Variants in P2RY8 observed in about 807,000 individuals in gnomAD.
The protein encoded by P2RY8 is S-geranylgeranyl-glutathione receptor P2RY8.
P2RY8 carries 6 observed loss-of-function variants against 10.0 expected under a neutral mutation model. The ratio of observed to expected loss-of-function variants is 0.60; its 90% confidence interval spans 0.33 to 1.19. The LOEUF (loss-of-function observed/expected upper bound fraction) is 1.19. Among genes scored for constraint, P2RY8 ranks in the 50% most tolerant of loss-of-function variants. The pLI is 0.04. For missense variants in P2RY8, 456 were observed against 542.0 expected (o/e 0.84, Z 1.58); for synonymous variants, 276 against 252.5 (o/e 1.09, Z -0.88).
intron 1 of P2RY8, among the ~76,000 whole-genome samples, chrX:1,475,043 G>T (rs2091860093): frequency 6.8e-6 from 1 of 146,064 alleles, no homozygotes; most frequent in Admixed American, 6.9e-5. Flanking sequence ...AGATGGATGG[G>T]TAGATGGATA....
intron 1 of P2RY8, among the ~76,000 whole-genome samples, chrX:1,534,133 T>C (rs1247132122): frequency 5.3e-5 from 7 of 130,880 alleles, no homozygotes; most frequent in African/African-American, 3.1e-5. Flanking sequence ...TATATATTTA[T>C]ATATATTTAC....
intron 1 of P2RY8, among the ~76,000 whole-genome samples, chrX:1,509,374 T>TTCTATCTATCTATCTATCTA (rs779648095): frequency 7.6e-6 from 1 of 131,108 alleles, no homozygotes; most frequent in Non-Finnish European, 1.6e-5. Flanking sequence ...CATCCATCTA[T>TTCTATCTATCTATCTATCTA]TCTATCTATC....
intron 1 of P2RY8, among the ~76,000 whole-genome samples, chrX:1,502,028 G>A (rs1322801244): frequency 2.6e-5 from 4 of 151,962 alleles, no homozygotes; most frequent in East Asian, 1.9e-4. Flanking sequence ...GTCCTGCCTC[G>A]GCCTCTTGAA....
chrX:1,521,683 A>G (rs1345432247), intron 1 of P2RY8, among the ~76,000 whole-genome samples: 5 of 152,220 alleles, frequency 3.3e-5, no homozygotes, highest in South Asian at 4.1e-4. Flanking sequence ...CGGCAAAGGA[A>G]GGTGTGTTTA....
In P2RY8 at chrX:1,508,704, T is replaced by TCCATCTATTCTATCTA. The variant is rs1201683452; in HGVS notation, c.-25+28216_-25+28217insTAGATAGAATAGATGG. On this transcript the variant is annotated intron_variant, in intron 1 of 1. Coordinates refer to ENST00000381297, the MANE Select transcript of P2RY8 (RefSeq NM_178129.5). ...CATCATCCATCCATCCATCCATCCA[T>TCCATCTATTCTATCTA]TCTATCTATCTATCTATCTATCTAT... is the stretch of plus-strand genomic sequence containing the variant. Among the ~76,000 whole-genome samples the TCCATCTATTCTATCTA allele has an allele frequency of 5.1e-4, 57 of 112,080 alleles. 1 individual carries two copies. Among genetic ancestry groups the TCCATCTATTCTATCTA allele is most frequent in the Middle Eastern group, 4.6e-3 (1 of 216 alleles). 73.5% of individuals were successfully genotyped at this position (112,080 alleles called of 152,430 possible). A position where few individuals can be genotyped will look rare whatever the true frequency, so the allele number is the denominator to read the frequency against.
intron 1 of P2RY8, among the ~76,000 whole-genome samples, chrX:1,536,340 C>T (rs1223915721): frequency 6.6e-6 from 1 of 151,920 alleles, no homozygotes; most frequent in Non-Finnish European, 1.5e-5. Context: ...CTGCTCACTG[C>T]AAGCTCCACC....
At position 1,462,993 on chromosome X, in the gene P2RY8, A is replaced by G. The variant is rs2091606361; in HGVS notation, c.*2486T>C. 1 of 231,450 alleles carries G rather than the reference A, an allele frequency of 4.3e-6. No individual in the cohort carries two copies. The highest frequency in any genetic ancestry group is 8.5e-6 in the Non-Finnish European group (1 of 117,594). The allele number at this position is 231,450 out of a possible 1,614,324, so 14.3% of individuals were successfully genotyped here. A position where few individuals can be genotyped will look rare whatever the true frequency, so the allele number is the denominator to read the frequency against. ...TCATACTGACAAAAAAAAAAAATCG[A>G]CGCATTTTGCCTGCTTGCAACGTCT... On this transcript the variant is annotated 3_prime_UTR_variant, in exon 2 of 2. Coordinates refer to ENST00000381297, the MANE Select transcript of P2RY8 (RefSeq NM_178129.5).
At chrX:1,524,586 CATCCATCCATTCATCCATCT>C (rs1192971135) in intron 1 of P2RY8, among the ~76,000 whole-genome samples, 2 of 146,358 alleles carry the variant, frequency 1.4e-5, no homozygotes, top group Non-Finnish European at 3.0e-5. Flanking sequence ...TCCATCCATC[CATCCATCCATTCATCCATCT>C]ATCCATCCAT....
At chrX:1,484,365 C>T (rs1441858892) in intron 1 of P2RY8, among the ~76,000 whole-genome samples, 1 of 151,932 alleles carries the variant, frequency 6.6e-6, no homozygotes, top group East Asian at 1.9e-4. Context: ...GTTCTCAGGC[C>T]CACAGAAAAG....
intron 1 of P2RY8, among the ~76,000 whole-genome samples, chrX:1,509,311 A>G (rs2092271960): frequency 7.0e-6 from 1 of 143,238 alleles, no homozygotes; most frequent in African/African-American, 2.6e-5. Flanking sequence ...CTATTCATCC[A>G]TCTATCTATC....
intron 1 of P2RY8, among the ~76,000 whole-genome samples, chrX:1,470,080 C>T (rs1458138068): frequency 2.0e-5 from 3 of 152,018 alleles, no homozygotes; most frequent in East Asian, 1.9e-4. Flanking sequence ...AGGACCTGGC[C>T]GGGCATCATG....
intron 1 of P2RY8, among the ~76,000 whole-genome samples, chrX:1,523,062 C>G (rs188601017): frequency 0.014 from 2,011 of 148,860 alleles, 39 homozygotes; most frequent in African/African-American, 0.048. Flanking sequence ...GAGAGAGACT[C>G]CATCCCCCAC....
At chrX:1,516,695 A>G (rs1359395699) in intron 1 of P2RY8, among the ~76,000 whole-genome samples, 2 of 150,930 alleles carry the variant, frequency 1.3e-5, no homozygotes, top group Non-Finnish European at 3.0e-5. Context: ...TTTGTTGTGT[A>G]TAAGTCACGC....
At chrX:1,466,950 A>G (rs2091692194) in intron 1 of P2RY8, among the ~76,000 whole-genome samples, 1 of 108,050 alleles carries the variant, frequency 9.3e-6, no homozygotes, top group Non-Finnish European at 1.7e-5. Context: ...ACCTCGGCCC[A>G]CGTCAGAGGC....
rs189544896 is a variant in P2RY8, at chrX:1,535,372, G to A, written c.-25+1549C>T. On this transcript the variant is annotated intron_variant, in intron 1 of 1. Transcript: ENST00000381297. Reference sequence around the variant, plus strand: ...TCGGCTAATTTTGGTATTTTTAGTAGAGACGGGGTTTCACTATGTTGGCCA... The same window carrying A: ...TCGGCTAATTTTGGTATTTTTAGTAAAGACGGGGTTTCACTATGTTGGCCA... Among the ~76,000 whole-genome samples, 546 of 151,464 alleles carry A rather than the reference G, an allele frequency of 3.6e-3. 7 individuals are homozygous for A. Among genetic ancestry groups the A allele is most frequent in the East Asian group, 0.023 (117 of 5,144 alleles).
intron 1 of P2RY8, among the ~76,000 whole-genome samples, chrX:1,518,564 A>G (rs1227131108): frequency 6.6e-6 from 1 of 151,778 alleles, no homozygotes; most frequent in Non-Finnish European, 1.5e-5. Context: ...CTGTTTCCCC[A>G]AAATCTTTCT....
intron 1 of P2RY8, among the ~76,000 whole-genome samples, chrX:1,525,215 C>T (rs769072221): frequency 6.6e-6 from 1 of 152,352 alleles, no homozygotes; most frequent in Admixed American, 6.5e-5. Context: ...AGTTGGATTG[C>T]ATCCCTTTGA....
chrX:1,506,088 G>T (rs1197654068), intron 1 of P2RY8, among the ~76,000 whole-genome samples: 2 of 149,052 alleles, frequency 1.3e-5, no homozygotes, highest in Admixed American at 1.4e-4. Flanking sequence ...CGCCTCCCGG[G>T]TTCAAGTGAT....
rs184789694 is a variant in P2RY8 at position 1,520,008 on chromosome X, T to C, written c.-25+16913A>G. ...CTCCAATTATCACCTTGGTCCCTAA[T>C]AATCTCTCTGGTCCTCAATCATCTC... On this transcript the variant is annotated intron_variant, in intron 1 of 1. Transcript: ENST00000381297. Among the ~76,000 whole-genome samples, 19 of 151,388 alleles carry C rather than the reference T, an allele frequency of 1.3e-4. No individual in the cohort carries two copies. The East Asian group carries it at 3.4e-3, about 27-fold the overall frequency.
Sources: gnomAD v4.1 joint callset for allele counts (sites outside exome capture counted in the v4.1 genomes callset) on GRCh38, gnomAD v4.1.1 for gene constraint, MANE v1.5 for transcripts, NCBI Gene and HGNC (gene_info 2026-07-23, HGNC 2026-07-21) for gene names.